Variants in MERTK observed in about 807,000 individuals in gnomAD.
MERTK encodes the protein tyrosine-protein kinase Mer.
In MERTK, 69 loss-of-function variants were observed where a neutral mutation model predicts 99.3. The ratio of observed to expected loss-of-function variants is 0.70; its 90% confidence interval spans 0.57 to 0.85. The LOEUF (loss-of-function observed/expected upper bound fraction) is 0.85, where lower values mean the gene tolerates loss of function less well. Ranked by LOEUF, MERTK falls within the 40% of genes least tolerant of loss-of-function variation. The pLI, the probability that MERTK is intolerant of heterozygous loss-of-function variation, is 0.00. For missense variants in MERTK, 1,125 were observed against 1,249.4 expected, an observed-to-expected ratio of 0.90 and a Z score of 1.50; for synonymous variants, 426 against 467.6, an observed-to-expected ratio of 0.91 and a Z score of 1.15.
intron 17 of MERTK, 149 bp from the exon 18 acceptor site, chr2:112,022,109 C>T: frequency 9.4e-7 from 1 of 1,064,050 alleles, no homozygotes; most frequent in Non-Finnish European, 1.4e-6. Context: ...CACGTTATTG[C>T]CGCGTTGGGA....
At chr2:111,958,324 TGA>T (rs1186492488) in intron 4 of MERTK, among the ~76,000 whole-genome samples, 2 of 151,900 alleles carry the variant, frequency 1.3e-5, no homozygotes, top group Non-Finnish European at 2.9e-5. Context: ...AACTGGCGAG[TGA>T]GAGGGAGCTG....
At chr2:112,014,392 C>T (rs1677173758) in intron 15 of MERTK, among the ~76,000 whole-genome samples, 2 of 150,878 alleles carry the variant, frequency 1.3e-5, no homozygotes, top group South Asian at 4.2e-4. Context: ...CTCAAACTCC[C>T]GACCTCAAGT....
chr2:111,954,046 AT>A (rs1685104360), intron 4 of MERTK, among the ~76,000 whole-genome samples: 2 of 152,158 alleles, frequency 1.3e-5, no homozygotes, highest in Admixed American at 1.3e-4. Context: ...ATAGTGAGTG[AT>A]GCTCCACCTT....
chr2:112,029,057 T>C lies in MERTK; in HGVS notation c.*193T>C, dbSNP rs79712097. ...TATATTTATTTAAAGAGAAAAAATA[T>C]GTGTATATCATGGAAAAAGACAAGG... On this transcript the variant is annotated 3_prime_UTR_variant, in exon 19 of 19. Coordinates refer to ENST00000295408, the MANE Select transcript of MERTK (RefSeq NM_006343.3). 3.7e-4 allele frequency: 499 copies of C among 1,333,228 alleles called. 3 individuals carry two copies. The African/African-American group carries it at 6.4e-3, about 17-fold the overall frequency. 82.6% of individuals were successfully genotyped at this position (1,333,228 alleles called of 1,614,324 possible).
intron 2 of MERTK, among the ~76,000 whole-genome samples, chr2:111,936,466 A>G (rs1684766344): frequency 6.6e-6 from 1 of 152,214 alleles, no homozygotes. Flanking sequence ...TTTGGGGTAT[A>G]TACAAGGGAA....
At position 112,028,391 on chromosome 2, in the gene MERTK, G is replaced by C. The variant is rs771284736; in HGVS notation, c.2527G>C (p.Asp843His). 1 of 1,614,112 alleles carries C rather than the reference G, an allele frequency of 6.2e-7. No homozygotes were observed. Among genetic ancestry groups the C allele is most frequent in the Non-Finnish European group, 8.5e-7 (1 of 1,180,024 alleles). Residue 843 changes from aspartate (D) to histidine (H), a missense_variant, in exon 19 of 19, where the codon GAC becomes CAC. Coordinates refer to ENST00000295408, the MANE Select transcript of MERTK (RefSeq NM_006343.3). ...CTCTTGCTGGAGAACCGATCCCTTA[G>C]ACCGCCCCACCTTTTCAGTATTGAG... The part of the protein sequence containing the change: ...MYSCWRTDPL[D>H]RPTFSVLRLQ...
chr2:111,920,618 C>A (rs1159102446), intron 1 of MERTK, among the ~76,000 whole-genome samples: 1 of 128,446 alleles, frequency 7.8e-6, no homozygotes, highest in African/African-American at 2.9e-5. Context: ...GTTTGTTTTT[C>A]TTCTAATGAA....
intron 4 of MERTK, among the ~76,000 whole-genome samples, chr2:111,961,501 G>T (rs893876251): frequency 1.3e-5 from 2 of 152,070 alleles, no homozygotes; most frequent in African/African-American, 4.8e-5. Flanking sequence ...TCCAGCTTAG[G>T]GTTTCCTCCC....
chr2:111,939,086 GTAAAT>G (rs1421524874), intron 2 of MERTK, among the ~76,000 whole-genome samples: 1 of 152,150 alleles, frequency 6.6e-6, no homozygotes, highest in African/African-American at 2.4e-5. Flanking sequence ...TTGAAACTGA[GTAAAT>G]TATAAAGAAA....
At chr2:111,931,981 G>C (rs186023206) in intron 2 of MERTK, among the ~76,000 whole-genome samples, 2 of 152,162 alleles carry the variant, frequency 1.3e-5, no homozygotes, top group Admixed American at 1.3e-4. Context: ...TGATTAGTCA[G>C]TTTCTTGTTT....
intron 9 of MERTK, chr2:111,996,026 T>G (rs1185244910): frequency 6.5e-6 from 1 of 153,858 alleles, no homozygotes; most frequent in Non-Finnish European, 1.5e-5. Context: ...AATTGGAGTT[T>G]AGGCTGGGCG....
intron 18 of MERTK, among the ~76,000 whole-genome samples, chr2:112,027,332 G>A (rs1677485586): frequency 6.7e-6 from 1 of 149,866 alleles, no homozygotes; most frequent in South Asian, 2.1e-4. Context: ...ACACACATAT[G>A]GCATATATAT....
chr2:111,912,297 A>G (rs10175316), intron 1 of MERTK, among the ~76,000 whole-genome samples: 70,455 of 151,886 alleles, frequency 0.46, 16,503 homozygotes, highest in East Asian at 0.74. Flanking sequence ...ATGAGCCACC[A>G]CACCCGGCCC....
Position 112,029,005 on chromosome 2 carries a change from G to C in MERTK, c.*141G>C, listed in dbSNP as rs770282883. 6.5e-7 allele frequency: 1 copy of C among 1,528,074 alleles called. No homozygotes were observed. Among genetic ancestry groups the C allele is most frequent in the Non-Finnish European group, 8.8e-7 (1 of 1,137,114 alleles). 94.7% of individuals were successfully genotyped at this position (1,528,074 alleles called of 1,614,324 possible). ...CAAAGCACCAGATGAATGTTGTTAAGTAAGCTGTCATTAAAAATACATAAT... is the reference window on the plus strand; with the variant it reads ...CAAAGCACCAGATGAATGTTGTTAACTAAGCTGTCATTAAAAATACATAAT... On this transcript the variant is annotated 3_prime_UTR_variant, in exon 19 of 19. Coordinates refer to ENST00000295408, the MANE Select transcript of MERTK (RefSeq NM_006343.3).
intron 4 of MERTK, among the ~76,000 whole-genome samples, chr2:111,954,841 C>T (rs1439995452): frequency 6.6e-6 from 1 of 152,152 alleles, no homozygotes; most frequent in Non-Finnish European, 1.5e-5. Flanking sequence ...TCTCAAAAGT[C>T]AGCTAGTTGC....
intron 2 of MERTK, among the ~76,000 whole-genome samples, chr2:111,942,853 C>T (rs1684890222): frequency 2.0e-5 from 3 of 152,164 alleles, no homozygotes. Flanking sequence ...TAGCTCTGAC[C>T]CCCCGAGTTC....
chr2:111,956,690 TTC>T (rs1334987556), intron 4 of MERTK, among the ~76,000 whole-genome samples: 3 of 152,160 alleles, frequency 2.0e-5, no homozygotes, highest in Non-Finnish European at 4.4e-5. Flanking sequence ...AGACAAGGTC[TTC>T]TCTGTCACCC....
chr2:112,015,053 G>T (rs1481854233), intron 15 of MERTK, among the ~76,000 whole-genome samples: 3 of 152,122 alleles, frequency 2.0e-5, no homozygotes, highest in Non-Finnish European at 2.9e-5. Flanking sequence ...GTATTCCATT[G>T]TATGCTTCTA....
At chr2:111,958,586 C>T (rs1685189999) in intron 4 of MERTK, among the ~76,000 whole-genome samples, 1 of 152,180 alleles carries the variant, frequency 6.6e-6, no homozygotes, top group Non-Finnish European at 1.5e-5. Context: ...TGTTTTAATA[C>T]ATTGTGTGGT....
Sources: gnomAD v4.1 joint callset for allele counts (sites outside exome capture counted in the v4.1 genomes callset) on GRCh38, gnomAD v4.1.1 for gene constraint, MANE v1.5 for transcripts, NCBI Gene and HGNC (gene_info 2026-07-23, HGNC 2026-07-21) for gene names.